The following SERINC5 variants were observed in gnomAD, a reference collection of about 807,000 sequenced individuals.
The protein encoded by SERINC5 is serine incorporator 5.
SERINC5 carries 41 observed loss-of-function variants against 63.1 expected under a neutral mutation model. The ratio of observed to expected loss-of-function variants is 0.65; its 90% confidence interval spans 0.51 to 0.84. The LOEUF (loss-of-function observed/expected upper bound fraction) is 0.84. Among genes scored for constraint, SERINC5 ranks in the 40% least tolerant of loss-of-function variants. The probability of loss-of-function intolerance (pLI) is 0.00; values close to 1 mark genes in which losing one functional copy is unlikely to be tolerated. For missense variants in SERINC5, 523 were observed against 573.0 expected, an observed-to-expected ratio of 0.91 and a Z score of 0.89; for synonymous variants, 222 against 215.2, an observed-to-expected ratio of 1.03 and a Z score of -0.28.
At chr5:80,166,536 G>A in intron 6 of SERINC5, 58 bp from the exon 7 acceptor site, 1 of 1,219,162 alleles carries the variant, frequency 8.2e-7, no homozygotes, top group South Asian at 1.3e-5. Context: ...GAAAGCACAT[G>A]CCTAAAAAAC....
At chr5:80,182,165 G>C (rs1202376671) in intron 2 of SERINC5, among the ~76,000 whole-genome samples, 4 of 152,090 alleles carry the variant, frequency 2.6e-5, no homozygotes, top group Non-Finnish European at 4.4e-5. Flanking sequence ...CCACATAGCT[G>C]GTGGCTTTTG....
At chr5:80,242,577 T>C (rs1751992899) in intron 1 of SERINC5, among the ~76,000 whole-genome samples, 1 of 152,250 alleles carries the variant, frequency 6.6e-6, no homozygotes, top group South Asian at 2.1e-4. Context: ...TGGTGAAAGC[T>C]TGTCTCTACT....
At chr5:80,150,750 T>A (rs2112319313) in intron 9 of SERINC5, 132 bp downstream of exon 9, 1 of 723,212 alleles carries the variant, frequency 1.4e-6, no homozygotes, top group Admixed American at 2.2e-5. Flanking sequence ...TTTATTTTTC[T>A]ATACAAAAAT....
chr5:80,254,117 T>C (rs1209507823), intron 1 of SERINC5, among the ~76,000 whole-genome samples: 2 of 152,136 alleles, frequency 1.3e-5, no homozygotes, highest in Non-Finnish European at 2.9e-5. Context: ...AGAGATGAGG[T>C]TTCTCCACGT....
chr5:80,254,519 G>A (rs944416054), intron 1 of SERINC5, among the ~76,000 whole-genome samples: 3 of 152,210 alleles, frequency 2.0e-5, no homozygotes, highest in African/African-American at 7.2e-5. Context: ...CAAGGGACCA[G>A]GACAGATGCC....
At chr5:80,241,692 A>C (rs538674503) in intron 1 of SERINC5, among the ~76,000 whole-genome samples, 202 of 152,024 alleles carry the variant, frequency 1.3e-3, no homozygotes, top group African/African-American at 4.8e-3. Flanking sequence ...CAGGGTGAGA[A>C]CCCATCGCTA....
chr5:80,235,789 G>A (rs938075049), intron 1 of SERINC5, among the ~76,000 whole-genome samples: 1 of 152,122 alleles, frequency 6.6e-6, no homozygotes, highest in African/African-American at 2.4e-5. Context: ...TTATAAGTAA[G>A]ATTGAGCATT....
At chr5:80,177,246 C>G in intron 4 of SERINC5, 69 bp downstream of exon 4, 1 of 1,090,648 alleles carries the variant, frequency 9.2e-7, no homozygotes, top group South Asian at 1.4e-5. Flanking sequence ...CTTTGGACTG[C>G]GCTTCTGAGC....
chr5:80,116,572 A>C (rs1044567883), intron 11 of SERINC5, among the ~76,000 whole-genome samples: 46 of 152,074 alleles, frequency 3.0e-4, no homozygotes, highest in Non-Finnish European at 5.9e-4. Context: ...CAGTGGGAAG[A>C]AGCTCAGTAA....
At chr5:80,122,057 C>G (rs868372242) in intron 11 of SERINC5, among the ~76,000 whole-genome samples, 2 of 152,054 alleles carry the variant, frequency 1.3e-5, no homozygotes, top group South Asian at 4.2e-4. Flanking sequence ...ATAACAATTA[C>G]ACAGTACCCA....
chr5:80,232,266 T>C (rs956326132), intron 1 of SERINC5, among the ~76,000 whole-genome samples: 3 of 150,284 alleles, frequency 2.0e-5, no homozygotes, highest in South Asian at 2.1e-4. Flanking sequence ...AAGCCGGGCG[T>C]GGTGGCAGGC....
chr5:80,249,449 T>C (rs889871291), intron 1 of SERINC5, among the ~76,000 whole-genome samples: 7 of 152,270 alleles, frequency 4.6e-5, no homozygotes, highest in South Asian at 2.1e-4. Context: ...CTCATAATTA[T>C]GCAAAAAGAG....
intron 5 of SERINC5, among the ~76,000 whole-genome samples, chr5:80,174,336 C>T (rs1005518395): frequency 1.4e-5 from 2 of 147,462 alleles, no homozygotes; most frequent in African/African-American, 5.0e-5. Flanking sequence ...AACTGCACTC[C>T]GGCCTGAATG....
chr5:80,197,606 A>C (rs1749592340), intron 2 of SERINC5, among the ~76,000 whole-genome samples: 1 of 152,060 alleles, frequency 6.6e-6, no homozygotes, highest in African/African-American at 2.4e-5. Flanking sequence ...TCAGGGGAGA[A>C]AGTGGGGGCT....
intron 1 of SERINC5, among the ~76,000 whole-genome samples, chr5:80,233,481 A>G (rs1219176497): frequency 7.0e-6 from 1 of 143,680 alleles, no homozygotes; most frequent in Non-Finnish European, 1.5e-5. Context: ...CCATTTTAGG[A>G]TAAGTTTAAA....
At chr5:80,253,496 C>T (rs72776296) in intron 1 of SERINC5, among the ~76,000 whole-genome samples, 3,646 of 152,264 alleles carry the variant, frequency 0.024, 80 homozygotes, top group Middle Eastern at 0.048. Context: ...AACCACAGCT[C>T]GCCCCTGCTC....
At position 80,142,081 on chromosome 5, in the gene SERINC5, T is replaced by G. The variant is rs115324902; in HGVS notation, c.*1582A>C. On this transcript the variant is annotated 3_prime_UTR_variant, in exon 12 of 12. Transcript: ENST00000507668. ...ACAGTAGGGCACAGAAAAAAATGAC[T>G]AGGCTGAGCCTTTTATTCTTAGATC... 8 of 985,296 alleles carry G rather than the reference T, an allele frequency of 8.1e-6. No individual in the cohort carries two copies. Among genetic ancestry groups the G allele is most frequent in the African/African-American group, 1.7e-5 (1 of 57,242 alleles). The allele number at this position is 985,296 out of a possible 1,614,324, so 61.0% of individuals were successfully genotyped here.
At chr5:80,255,790 G>A (rs1261779171) in intron 1 of SERINC5, 106 bp downstream of exon 1, 2 of 1,213,926 alleles carry the variant, frequency 1.6e-6, no homozygotes, top group Non-Finnish European at 2.3e-6. Flanking sequence ...CGGGCCCTAC[G>A]TTCGGCCGCG....
intron 8 of SERINC5, among the ~76,000 whole-genome samples, chr5:80,155,182 A>AG (rs1746438730): frequency 6.6e-6 from 1 of 152,200 alleles, no homozygotes; most frequent in Admixed American, 6.5e-5. Flanking sequence ...CCAGAGACCA[A>AG]GGGAAGAATT....
Sources: allele counts gnomAD v4.1 joint callset (sites outside exome capture counted in the v4.1 genomes callset), GRCh38; gene constraint gnomAD v4.1.1; transcripts MANE v1.5; gene names NCBI Gene and HGNC (gene_info 2026-07-23, HGNC 2026-07-21).